Variants in IGSF11 observed in about 807,000 individuals in gnomAD.
IGSF11 encodes immunoglobulin superfamily member 11.
Under a neutral mutation model 41.0 loss-of-function variants are expected in IGSF11, and 22 were observed. That is an observed-to-expected ratio of 0.54 (90% confidence interval 0.38 to 0.77). The LOEUF (loss-of-function observed/expected upper bound fraction) is 0.77. Among genes scored for constraint, IGSF11 ranks in the 30% least tolerant of loss-of-function variants. IGSF11 has a pLI of 0.00. For missense variants in IGSF11, 444 were observed against 530.8 expected (o/e 0.84, Z 1.61); for synonymous variants, 219 against 201.3 (o/e 1.09, Z -0.74).
Position 119,105,028 on chromosome 3 carries a change from A to T in IGSF11, c.49+116T>A, listed in dbSNP as rs1047700757. ...GACTTAGAAATGGAAGATTTTTTTT[A>T]GTAGTAGGAGAATATACATAGAAGT... On this transcript the variant is annotated intron_variant, in intron 1 of 6. Coordinates refer to the IGSF11 transcript ENST00000354673. The T allele has an allele frequency of 6.8e-6, 4 of 589,966 alleles. No individual in the cohort carries two copies. In the African/African-American group the frequency reaches 7.6e-5, roughly 11 times the overall value. 36.5% of individuals were successfully genotyped at this position (589,966 alleles called of 1,614,324 possible).
chr3:119,069,006 A>T (rs1164244043), intron 1 of IGSF11, among the ~76,000 whole-genome samples: 1 of 147,346 alleles, frequency 6.8e-6, no homozygotes, highest in Non-Finnish European at 1.5e-5. Flanking sequence ...AGCTCACTGC[A>T]AGCTCCGCCT....
chr3:119,102,602 A>G (rs1369318409), intron 1 of IGSF11, among the ~76,000 whole-genome samples: 2 of 152,232 alleles, frequency 1.3e-5, no homozygotes, highest in African/African-American at 4.8e-5. Context: ...TTTGAATTAT[A>G]TATTCAAATA....
At chr3:119,101,016 T>C (rs1420889833) in intron 1 of IGSF11, among the ~76,000 whole-genome samples, 2 of 152,186 alleles carry the variant, frequency 1.3e-5, no homozygotes, top group African/African-American at 2.4e-5. Flanking sequence ...AGAAGAAACA[T>C]AGATGTTGTC....
intron 4 of IGSF11, among the ~76,000 whole-genome samples, chr3:118,909,169 C>G (rs1268357042): frequency 3.3e-5 from 5 of 152,096 alleles, no homozygotes; most frequent in Admixed American, 2.0e-4. Context: ...AGATATTGAT[C>G]TTCAGGATTT....
chr3:119,119,079 C>T (rs1466520328), intron 1 of IGSF11, among the ~76,000 whole-genome samples: 1 of 152,194 alleles, frequency 6.6e-6, no homozygotes, highest in Non-Finnish European at 1.5e-5. Context: ...CTTCTGAGCC[C>T]TCCAAACTCT....
At chr3:119,088,035 A>G (rs1174803128) in intron 1 of IGSF11, among the ~76,000 whole-genome samples, 1 of 152,134 alleles carries the variant, frequency 6.6e-6, no homozygotes, top group Non-Finnish European at 1.5e-5. Flanking sequence ...GAAAATTAAC[A>G]AACTCTGGAC....
Position 119,091,997 on chromosome 3 carries a change from G to GA in IGSF11, c.49+13146_49+13147insT, listed in dbSNP as rs1163879890. On this transcript the variant is annotated intron_variant, in intron 1 of 6. Transcript: ENST00000354673. ...TTTTTTGGTTTTTGGTTTTTTTGGG[G>GA]GGGGGGGGTTGGTGGTTTTTTCTTT... Among the ~76,000 whole-genome samples, 26 of 146,652 alleles carry GA rather than the reference G, an allele frequency of 1.8e-4. No homozygotes were observed. In the East Asian group the frequency reaches 3.9e-3, roughly 22 times the overall value.
chr3:118,921,711 C>T (rs1193732916), intron 4 of IGSF11, among the ~76,000 whole-genome samples: 1 of 152,128 alleles, frequency 6.6e-6, no homozygotes, highest in Non-Finnish European at 1.5e-5. Flanking sequence ...TACACTCTTA[C>T]ATACATTATT....
At chr3:118,932,776 G>A (rs545474546) in intron 1 of IGSF11, among the ~76,000 whole-genome samples, 2 of 152,172 alleles carry the variant, frequency 1.3e-5, no homozygotes, top group Non-Finnish European at 2.9e-5. Flanking sequence ...AACTGGTGCC[G>A]AACCTCCATC....
At position 118,935,236 on chromosome 3, in the gene IGSF11, C is replaced by CAT. The variant is rs1344375298; in HGVS notation, c.53-4963_53-4962dup. Among the ~76,000 whole-genome samples, 4 of 142,442 alleles carry CAT rather than the reference C, an allele frequency of 2.8e-5. 1 individual carries two copies. The highest frequency in any genetic ancestry group is 4.4e-4 in the South Asian group (2 of 4,594). The allele number at this position is 142,442 out of a possible 152,430, so 93.4% of individuals were successfully genotyped here. On this transcript the variant is annotated intron_variant, in intron 1 of 6. Transcript: ENST00000393775. The stretch of plus-strand genomic sequence containing the variant: ...CACATGAAATATCAGGGTGTATATA[C>CAT]ATATATATATGTATATATATATAAA...
intron 1 of IGSF11, among the ~76,000 whole-genome samples, chr3:119,090,901 G>A (rs2076751718): frequency 6.6e-6 from 1 of 151,972 alleles, no homozygotes; most frequent in Admixed American, 6.6e-5. Flanking sequence ...CCTAATTAAT[G>A]AGCTTCTGCA....
chr3:119,023,871 T>C (rs909416987), intron 1 of IGSF11, among the ~76,000 whole-genome samples: 1 of 152,216 alleles, frequency 6.6e-6, no homozygotes, highest in Non-Finnish European at 1.5e-5. Flanking sequence ...TTCATCATCA[T>C]CAGTTTATAG....
chr3:119,045,633 G>C (rs1367963758), intron 1 of IGSF11, among the ~76,000 whole-genome samples: 1 of 152,078 alleles, frequency 6.6e-6, no homozygotes, highest in East Asian at 1.9e-4. Context: ...CAACTGGGTG[G>C]AGCCCACCAC....
intron 1 of IGSF11, among the ~76,000 whole-genome samples, chr3:119,064,495 G>C (rs1942157715): frequency 1.4e-5 from 2 of 144,014 alleles, no homozygotes; most frequent in Non-Finnish European, 3.0e-5. Flanking sequence ...GTTCTTCTGA[G>C]ATTGCCTTGG....
chr3:118,907,291 C>T (rs1939723479), intron 4 of IGSF11, among the ~76,000 whole-genome samples: 2 of 152,162 alleles, frequency 1.3e-5, no homozygotes, highest in Non-Finnish European at 2.9e-5. Flanking sequence ...TTAATTCATT[C>T]ATTTAATAAA....
intron 1 of IGSF11, among the ~76,000 whole-genome samples, chr3:119,029,275 C>CACA (rs1553716797): frequency 0.045 from 6,575 of 144,920 alleles, 191 homozygotes; most frequent in Admixed American, 0.068. Flanking sequence ...CACACACACA[C>CACA]CCGAGAGAGA....
At chr3:118,985,954 G>T (rs1935210692) in intron 1 of IGSF11, among the ~76,000 whole-genome samples, 1 of 152,148 alleles carries the variant, frequency 6.6e-6, no homozygotes, top group Non-Finnish European at 1.5e-5. Context: ...TAGGATATAA[G>T]TCAAGTTTCT....
intron 1 of IGSF11, among the ~76,000 whole-genome samples, chr3:118,974,323 T>C (rs904282029): frequency 2.6e-5 from 4 of 152,148 alleles, no homozygotes; most frequent in Non-Finnish European, 5.9e-5. Context: ...CACAAGTAAG[T>C]TGAATTGAAG....
At chr3:119,110,973 T>A (rs2077146449) in intron 1 of IGSF11, among the ~76,000 whole-genome samples, 1 of 151,994 alleles carries the variant, frequency 6.6e-6, no homozygotes, top group Non-Finnish European at 1.5e-5. Context: ...ATTAGTCTGA[T>A]GGGCTTCCCT....
Sources: gnomAD v4.1 joint callset for allele counts (sites outside exome capture counted in the v4.1 genomes callset) on GRCh38, gnomAD v4.1.1 for gene constraint, MANE v1.5 for transcripts, NCBI Gene and HGNC (gene_info 2026-07-23, HGNC 2026-07-21) for gene names.